NCOA2: variants seen among roughly 807,000 people sequenced by gnomAD.
The protein encoded by NCOA2 is class E basic helix-loop-helix protein 75.
NCOA2 carries 21 observed loss-of-function variants against 145.1 expected under a neutral mutation model. The observed-to-expected ratio is 0.14, with a 90% CI of 0.10 to 0.21. The LOEUF is 0.21. Ranked by LOEUF, NCOA2 falls within the 10% of genes least tolerant of loss-of-function variation. The pLI, the probability that NCOA2 is intolerant of heterozygous loss-of-function variation, is 1.00. For missense variants in NCOA2, 1,472 were observed against 1,837.6 expected (o/e 0.80, Z 3.64); for synonymous variants, 619 against 637.5 (o/e 0.97, Z 0.44).
intron 1 of NCOA2, among the ~76,000 whole-genome samples, chr8:70,380,983 G>A (rs189431422): frequency 4.6e-5 from 7 of 151,864 alleles, no homozygotes; most frequent in Middle Eastern, 3.4e-3. Flanking sequence ...TGAGGTAGGA[G>A]GATCACCTGA....
intron 1 of NCOA2, among the ~76,000 whole-genome samples, chr8:70,325,382 TCTCA>T (rs1470020984): frequency 6.6e-6 from 1 of 152,104 alleles, no homozygotes; most frequent in Non-Finnish European, 1.5e-5. Context: ...AAGGGCAGTC[TCTCA>T]CTCATTCACT....
At chr8:70,358,574 G>GTTC (rs1809945303) in intron 1 of NCOA2, among the ~76,000 whole-genome samples, 3 of 152,100 alleles carry the variant, frequency 2.0e-5, no homozygotes, top group Admixed American at 1.3e-4. Context: ...AAATGAAATT[G>GTTC]AACCCCCACC....
intron 2 of NCOA2, among the ~76,000 whole-genome samples, chr8:70,217,379 A>G (rs1394715493): frequency 1.3e-5 from 2 of 152,086 alleles, no homozygotes; most frequent in Non-Finnish European, 2.9e-5. Flanking sequence ...GCTCTCCTGC[A>G]GCAGCTGCCT....
intron 2 of NCOA2, among the ~76,000 whole-genome samples, chr8:70,252,288 T>C (rs987543416): frequency 6.6e-6 from 1 of 152,150 alleles, no homozygotes; most frequent in Non-Finnish European, 1.5e-5. Flanking sequence ...GTAGTGGTAG[T>C]TAGTGGCTGG....
chr8:70,439,738 C>T, the NCOA2 span, among the ~76,000 whole-genome samples: 7 of 152,276 alleles, frequency 4.6e-5, no homozygotes, highest in East Asian at 1.9e-4. Flanking sequence ...ATCTCAGCCC[C>T]GCGGAGGAGG....
chr8:70,435,952 C>T, the NCOA2 span, among the ~76,000 whole-genome samples: 5 of 152,114 alleles, frequency 3.3e-5, no homozygotes, highest in African/African-American at 7.2e-5. Context: ...GTGCGTGCCA[C>T]GACGTCTGAC....
intron 1 of NCOA2, among the ~76,000 whole-genome samples, chr8:70,333,857 C>A (rs1807316548): frequency 6.6e-6 from 1 of 152,184 alleles, no homozygotes. Flanking sequence ...TAATGTCAAG[C>A]AATAAATGCT....
chr8:70,371,232 T>C (rs186887973), intron 1 of NCOA2, among the ~76,000 whole-genome samples: 1,720 of 152,164 alleles, frequency 0.011, 41 homozygotes, highest in African/African-American at 0.039. Flanking sequence ...GAGCTTGCAG[T>C]GAGCTGAGAT....
At chr8:70,364,469 A>G (rs1810496340) in intron 1 of NCOA2, among the ~76,000 whole-genome samples, 1 of 152,232 alleles carries the variant, frequency 6.6e-6, no homozygotes, top group South Asian at 2.1e-4. Context: ...GGCAAACTGA[A>G]AACAGCAAGA....
intron 1 of NCOA2, among the ~76,000 whole-genome samples, chr8:70,377,940 C>G (rs1811825328): frequency 6.6e-6 from 1 of 152,176 alleles, no homozygotes; most frequent in Non-Finnish European, 1.5e-5. Flanking sequence ...ATAACTCTGA[C>G]TCTGATTTCC....
intron 2 of NCOA2, among the ~76,000 whole-genome samples, chr8:70,252,193 A>AT (rs1010045163): frequency 6.6e-6 from 1 of 152,230 alleles, no homozygotes; most frequent in Admixed American, 6.5e-5. Context: ...CTTTAGAATC[A>AT]TTTACGTACT....
At chr8:70,350,850 G>A (rs1809108576) in intron 1 of NCOA2, among the ~76,000 whole-genome samples, 1 of 152,096 alleles carries the variant, frequency 6.6e-6, no homozygotes, top group African/African-American at 2.4e-5. Context: ...TCTTATAATG[G>A]GACATCGTCT....
intron 2 of NCOA2, among the ~76,000 whole-genome samples, chr8:70,226,429 T>C (rs539387992): frequency 1.0e-3 from 159 of 152,212 alleles, no homozygotes; most frequent in African/African-American, 3.7e-3. Flanking sequence ...ATTGTTTACA[T>C]GCTTATTTTC....
chr8:70,280,697 C>T (rs777028855), intron 2 of NCOA2, among the ~76,000 whole-genome samples: 5 of 151,994 alleles, frequency 3.3e-5, no homozygotes, highest in Non-Finnish European at 7.4e-5. Context: ...TGGTATAGTA[C>T]AGTAGAAAGA....
At chr8:70,209,883 T>C (rs867310514) in intron 4 of NCOA2, among the ~76,000 whole-genome samples, 9 of 152,358 alleles carry the variant, frequency 5.9e-5, no homozygotes, top group South Asian at 2.1e-4. Flanking sequence ...GCAGTATCTC[T>C]GAGGTATGCC....
chr8:70,315,396 GAT>G (rs1366736807), intron 1 of NCOA2, among the ~76,000 whole-genome samples: 1 of 152,090 alleles, frequency 6.6e-6, no homozygotes, highest in African/African-American at 2.4e-5. Flanking sequence ...CGCCATTATG[GAT>G]AGATTCTTTC....
intron 2 of NCOA2, among the ~76,000 whole-genome samples, chr8:70,243,922 T>C (rs891142500): frequency 5.3e-4 from 81 of 152,046 alleles, no homozygotes; most frequent in Non-Finnish European, 2.1e-4. Flanking sequence ...GAAAATCCCA[T>C]TTAATAAAAT....
the NCOA2 span, among the ~76,000 whole-genome samples, chr8:70,435,424 CAAAA>C: frequency 1.5e-4 from 3 of 20,148 alleles, no homozygotes; most frequent in African/African-American, 4.3e-4. Flanking sequence ...GACTCCGTCT[CAAAA>C]AAAAAAAAAA....
chr8:70,423,156 C>T, the NCOA2 span, among the ~76,000 whole-genome samples: 1 of 152,062 alleles, frequency 6.6e-6, no homozygotes, highest in Admixed American at 6.6e-5. Flanking sequence ...CTTCTTTATA[C>T]TTTCTTTTTT....
Sources: gnomAD v4.1 joint callset for allele counts (sites outside exome capture counted in the v4.1 genomes callset) on GRCh38, gnomAD v4.1.1 for gene constraint, MANE v1.5 for transcripts, NCBI Gene and HGNC (gene_info 2026-07-23, HGNC 2026-07-21) for gene names.